RSRC1: variants seen among roughly 807,000 people sequenced by gnomAD.
RSRC1 encodes the protein serine/Arginine-related protein 53.
In RSRC1, 39 loss-of-function variants were observed where a neutral mutation model predicts 49.1. The observed-to-expected ratio is 0.79, with a 90% confidence interval of 0.61 to 1.04. The LOEUF is 1.04. Among genes scored for constraint, RSRC1 ranks in the 50% least tolerant of loss-of-function variants. The probability of loss-of-function intolerance (pLI) is 0.00; values close to 1 mark genes in which losing one functional copy is unlikely to be tolerated. For missense variants in RSRC1, 388 were observed against 402.4 expected (o/e 0.96, Z 0.31); for synonymous variants, 143 against 130.8 (o/e 1.09, Z -0.63).
At chr3:158,470,740 T>A (rs1000281075) in intron 7 of RSRC1, among the ~76,000 whole-genome samples, 4 of 152,150 alleles carry the variant, frequency 2.6e-5, no homozygotes, top group Non-Finnish European at 5.9e-5. Context: ...TCTAATCAAT[T>A]CTTAACATTT....
chr3:158,424,270 T>G (rs1735269240), intron 6 of RSRC1, among the ~76,000 whole-genome samples: 1 of 151,878 alleles, frequency 6.6e-6, no homozygotes, highest in Non-Finnish European at 1.5e-5. Context: ...CCTAATTTAT[T>G]GAGAGTTTTT....
intron 5 of RSRC1, among the ~76,000 whole-genome samples, chr3:158,335,084 T>C (rs984095561): frequency 1.3e-5 from 2 of 152,178 alleles, no homozygotes; most frequent in African/African-American, 4.8e-5. Context: ...GGTTTCAGTA[T>C]TGAGGCTCCA....
intron 1 of RSRC1, among the ~76,000 whole-genome samples, chr3:158,121,136 C>T (rs1000913551): frequency 1.3e-5 from 2 of 151,778 alleles, no homozygotes; most frequent in African/African-American, 4.8e-5. Flanking sequence ...TAAATTATCT[C>T]AATGGATACC....
chr3:158,314,655 C>T (rs1383250993), intron 5 of RSRC1, among the ~76,000 whole-genome samples: 1 of 152,092 alleles, frequency 6.6e-6, no homozygotes, highest in Non-Finnish European at 1.5e-5. Context: ...ATTAGGAAAC[C>T]TTGCTGTATT....
chr3:158,287,076 T>G (rs1726610898), intron 4 of RSRC1, among the ~76,000 whole-genome samples: 2 of 152,204 alleles, frequency 1.3e-5, no homozygotes, highest in Non-Finnish European at 2.9e-5. Context: ...TCCACCTGTC[T>G]CAGCCTCCCA....
intron 3 of RSRC1, among the ~76,000 whole-genome samples, chr3:158,184,634 G>C (rs1019244533): frequency 2.0e-5 from 3 of 152,102 alleles, no homozygotes; most frequent in Non-Finnish European, 4.4e-5. Flanking sequence ...TTAAAGGCAA[G>C]TGGATAGCAA....
At chr3:158,350,954 GTTGGTATGAAA>G (rs1730839200) in intron 5 of RSRC1, among the ~76,000 whole-genome samples, 1 of 152,006 alleles carries the variant, frequency 6.6e-6, no homozygotes, top group Non-Finnish European at 1.5e-5. Flanking sequence ...CTAAAAATGG[GTTGGTATGAAA>G]TTTTTTTTTA....
Position 158,234,674 on chromosome 3 carries a change from A to G in RSRC1, c.494+31429A>G, listed in dbSNP as rs149909522. ...TTCTGTCTTTCTGTTGCCCTCCCCAATCCTCTTCTCCCTGTTCCTCTTTTC... is the reference window on the plus strand; with the variant it reads ...TTCTGTCTTTCTGTTGCCCTCCCCAGTCCTCTTCTCCCTGTTCCTCTTTTC... On this transcript the variant is annotated intron_variant, in intron 4 of 9. Coordinates refer to ENST00000611884, the MANE Select transcript of RSRC1 (RefSeq NM_001271838.2). 1.5e-3 allele frequency among the ~76,000 whole-genome samples: 227 copies of G among 152,110 alleles called. 2 individuals are homozygous for G. Among genetic ancestry groups the G allele is most frequent in the East Asian group, 0.011 (57 of 5,158 alleles).
intron 7 of RSRC1, among the ~76,000 whole-genome samples, chr3:158,495,582 G>A (rs1031460826): frequency 9.9e-5 from 15 of 152,082 alleles, no homozygotes; most frequent in Non-Finnish European, 1.6e-4. Flanking sequence ...AACCATGCCC[G>A]GCCTCCACTG....
chr3:158,408,382 A>AG (rs1220391606), intron 6 of RSRC1, among the ~76,000 whole-genome samples: 1 of 152,204 alleles, frequency 6.6e-6, no homozygotes, highest in African/African-American at 2.4e-5. Flanking sequence ...CTCCTGATAA[A>AG]GGTAACAGGC....
chr3:158,201,609 C>G (rs376780865), intron 3 of RSRC1, among the ~76,000 whole-genome samples: 11 of 152,212 alleles, frequency 7.2e-5, no homozygotes, highest in Admixed American at 2.0e-4. Context: ...TATACAGATT[C>G]TTTCCTCTGT....
intron 6 of RSRC1, among the ~76,000 whole-genome samples, chr3:158,441,621 G>A (rs748378585): frequency 1.3e-5 from 2 of 152,098 alleles, no homozygotes; most frequent in Non-Finnish European, 2.9e-5. Flanking sequence ...TTCTCAAAGT[G>A]TAGAACCTAG....
intron 4 of RSRC1, among the ~76,000 whole-genome samples, chr3:158,255,089 T>G (rs1724459813): frequency 1.3e-5 from 2 of 152,252 alleles, no homozygotes; most frequent in African/African-American, 4.8e-5. Flanking sequence ...TTTGTCTATT[T>G]TGGCTTTTGT....
chr3:158,156,804 T>A (rs1717904276), intron 3 of RSRC1, among the ~76,000 whole-genome samples: 1 of 152,160 alleles, frequency 6.6e-6, no homozygotes. Context: ...CTGAAAATAA[T>A]TAGAGTAGTA....
intron 6 of RSRC1, among the ~76,000 whole-genome samples, chr3:158,424,351 C>T (rs1024655981): frequency 2.0e-5 from 3 of 151,854 alleles, no homozygotes; most frequent in Admixed American, 6.6e-5. Context: ...TGGTTTTTGT[C>T]TTTGGTTCTG....
intron 6 of RSRC1, 122 bp downstream of exon 6, chr3:158,355,030 A>G: frequency 1.6e-6 from 1 of 616,762 alleles, no homozygotes; most frequent in Non-Finnish European, 2.7e-6. Context: ...CAAATTTATC[A>G]GATCTAGATT....
intron 4 of RSRC1, among the ~76,000 whole-genome samples, chr3:158,249,897 A>G (rs1361302234): frequency 1.3e-5 from 2 of 152,112 alleles, no homozygotes; most frequent in African/African-American, 2.4e-5. Flanking sequence ...CTCTTGTGCT[A>G]TCAAATACTC....
At chr3:158,197,109 T>C (rs573850140) in intron 3 of RSRC1, among the ~76,000 whole-genome samples, 264 of 152,242 alleles carry the variant, frequency 1.7e-3, no homozygotes, top group African/African-American at 4.9e-3. Context: ...TGGTAGAATT[T>C]GGCTGTGAAT....
chr3:158,313,303 A>G (rs1728233714), intron 5 of RSRC1, among the ~76,000 whole-genome samples: 1 of 152,232 alleles, frequency 6.6e-6, no homozygotes, highest in South Asian at 2.1e-4. Flanking sequence ...GCCTAGTGAT[A>G]GTAGGCACTC....
Sources: allele counts gnomAD v4.1 joint callset (sites outside exome capture counted in the v4.1 genomes callset), GRCh38; gene constraint gnomAD v4.1.1; transcripts MANE v1.5; gene names NCBI Gene and HGNC (gene_info 2026-07-23, HGNC 2026-07-21).